Variants in CWC22 observed in about 807,000 individuals in gnomAD.
CWC22 encodes the protein CWC22 spliceosome associated protein.
In CWC22, 53 loss-of-function variants were observed where a neutral mutation model predicts 117.2. The observed-to-expected ratio is 0.45, with a 90% CI of 0.36 to 0.57. The LOEUF is 0.57. CWC22 is among the 20% of genes least tolerant of loss of function. The pLI, the probability that CWC22 is intolerant of heterozygous loss-of-function variation, is 0.00. For synonymous variants in CWC22, 360 were observed against 355.6 expected, an observed-to-expected ratio of 1.01 and a Z score of -0.14; for missense variants, 980 against 1,068.8, an observed-to-expected ratio of 0.92 and a Z score of 1.16.
At chr2:179,974,356 A>G (rs1217001100) in intron 6 of CWC22, among the ~76,000 whole-genome samples, 2 of 152,226 alleles carry the variant, frequency 1.3e-5, no homozygotes, top group African/African-American at 4.8e-5. Flanking sequence ...ATTAATGCTA[A>G]AACAGTAACA....
At position 179,981,862 on chromosome 2, in the gene CWC22, A is replaced by G; in HGVS notation, c.342T>C (p.Ala114=). 1.9e-6 allele frequency: 3 copies of G among 1,613,432 alleles called. No individual in the cohort carries two copies. Among genetic ancestry groups the G allele is most frequent in the Non-Finnish European group, 2.5e-6 (3 of 1,179,654 alleles). ...CCAGCTCATCTTTCTTTTTCTTTGT[A>G]GCAGGTTCATCCTGAGCAGAGGAAC... The part of the protein sequence containing the change: ...TQSSSAQDEP[A]TKKKKDELDP... The change falls in exon 5 of 20, where the codon GCT becomes GCC. Residue 114 remains alanine, a synonymous_variant. Transcript: ENST00000410053.
At chr2:179,975,832 A>G (rs1687139946) in intron 6 of CWC22, among the ~76,000 whole-genome samples, 1 of 152,220 alleles carries the variant, frequency 6.6e-6, no homozygotes, top group Non-Finnish European at 1.5e-5. Context: ...CACAGTACCC[A>G]AAGCAACATA....
Position 179,973,780 on chromosome 2 carries a change from A to G in CWC22, c.604T>C (p.Leu202=). 2 of 1,604,300 alleles carry G rather than the reference A, an allele frequency of 1.2e-6. No individual in the cohort carries two copies. Among genetic ancestry groups the G allele is most frequent in the Non-Finnish European group, 1.7e-6 (2 of 1,175,260 alleles). ...RGRGLLSRSV[L]QAQSASPIFT... ...ATTGGAGAAGCACTCTGTGCTTGCA[A>G]AACAGACCTGGACAGCAGTCCTCTG... Residue 202 remains leucine, a synonymous_variant, in exon 7 of 20, where the codon TTG becomes CTG. Transcript: ENST00000410053.
chr2:179,981,634 A>G (rs1687290337), intron 5 of CWC22, 118 bp downstream of exon 5: 5 of 747,818 alleles, frequency 6.7e-6, no homozygotes, highest in Non-Finnish European at 1.1e-5. Flanking sequence ...CTCTAATTTG[A>G]GGTCTCTATC....
At chr2:179,950,455 T>G in intron 19 of CWC22, 57 bp downstream of exon 19, 2 of 1,037,524 alleles carry the variant, frequency 1.9e-6, no homozygotes, top group South Asian at 2.9e-5. Context: ...CCTTCATATA[T>G]ATCAGCAACA....
At chr2:179,958,994 T>C in intron 14 of CWC22, 28 bp downstream of exon 14, 1 of 1,426,126 alleles carries the variant, frequency 7.0e-7, no homozygotes, top group Non-Finnish European at 9.7e-7. Flanking sequence ...AATATATACA[T>C]TTCCTAATAG....
chr2:179,961,055 T>C (rs2105517327), intron 13 of CWC22, among the ~76,000 whole-genome samples: 1 of 152,120 alleles, frequency 6.6e-6, no homozygotes, highest in Middle Eastern at 3.4e-3. Context: ...ACAAGTTAGC[T>C]TGGTTCATCC....
In CWC22 at chr2:179,970,696, A is replaced by T. The variant is rs991405389; in HGVS notation, c.1101T>A (p.Thr367=). The T allele has an allele frequency of 1.2e-6, 2 of 1,613,726 alleles. No individual in the cohort carries two copies. The highest frequency in any genetic ancestry group is 1.7e-5 in the Admixed American group (1 of 60,004). Residue 367 remains threonine (T), a synonymous_variant, in exon 10 of 20, where the codon ACT becomes ACA. Transcript: ENST00000410053. ...AGTCATCCTCCAGAGGGAGCATATG[A>T]GTGAATTGATCATCTTCTTCCACCA... The part of the protein sequence containing the change: ...LDLVEEDDQF[T]HMLPLEDDYN...
intron 1 of CWC22, among the ~76,000 whole-genome samples, chr2:180,004,252 T>C (rs1322943197): frequency 1.3e-5 from 2 of 152,248 alleles, no homozygotes; most frequent in African/African-American, 4.8e-5. Context: ...ATTGAAAATA[T>C]TATTCAAGTT....
chr2:179,987,951 G>A (rs903761392), intron 3 of CWC22, among the ~76,000 whole-genome samples: 3 of 152,174 alleles, frequency 2.0e-5, no homozygotes, highest in East Asian at 1.9e-4. Context: ...GTTAGGGGGT[G>A]AGGGGATGGT....
intron 2 of CWC22, among the ~76,000 whole-genome samples, chr2:179,990,542 C>T (rs71425652): frequency 0.16 from 10,556 of 64,712 alleles, 517 homozygotes; most frequent in Non-Finnish European, 0.2. Flanking sequence ...GTGAGTGAGA[C>T]AGACAGAGAG....
intron 14 of CWC22, among the ~76,000 whole-genome samples, chr2:179,958,746 T>C (rs1686671052): frequency 6.6e-6 from 1 of 152,182 alleles, no homozygotes; most frequent in Non-Finnish European, 1.5e-5. Context: ...ATTTGATTTA[T>C]AGGCAACAAC....
At position 179,970,711 on chromosome 2, in the gene CWC22, T is replaced by A; in HGVS notation, c.1086A>T (p.Glu362Asp). ...GGAGCATATGAGTGAATTGATCATCTTCTTCCACCAAATCAAGACCTTCTA... is the reference window on the plus strand; with the variant it reads ...GGAGCATATGAGTGAATTGATCATCATCTTCCACCAAATCAAGACCTTCTA... ...IILEGLDLVE[E>D]DDQFTHMLPL... Residue 362 changes from glutamate to aspartate, a missense_variant, in exon 10 of 20, where the codon GAA becomes GAT. Physicochemically the swap from Glu to Asp is conservative, Grantham distance 45. Around this residue, in one of 3 missense-constraint regions of CWC22, gnomAD observed 559 missense variants for 602.3 expected, o/e 0.93. Coordinates refer to ENST00000410053, the MANE Select transcript of CWC22 (RefSeq NM_020943.3). 2 of 1,613,764 alleles carry A rather than the reference T, an allele frequency of 1.2e-6. No homozygotes were observed. The highest frequency in any genetic ancestry group is 2.2e-5 in the East Asian group (1 of 44,846).
intron 1 of CWC22, among the ~76,000 whole-genome samples, chr2:180,005,186 G>C (rs1687941253): frequency 6.6e-6 from 1 of 152,208 alleles, no homozygotes; most frequent in Admixed American, 6.5e-5. Flanking sequence ...CAGTGTATTA[G>C]ATCAAAGTTC....
In CWC22 at chr2:179,973,265, A is replaced by C; in HGVS notation, c.751-19T>G. On this transcript the variant is annotated intron_variant, in intron 7 of 19. Coordinates refer to ENST00000410053, the MANE Select transcript of CWC22 (RefSeq NM_020943.3). The stretch of plus-strand genomic sequence containing the variant: ...AAAGTTGCTGAAAAATAAAGGTGGA[A>C]AGTTAACCTATAAACTAAACCCAAT... 6.3e-7 allele frequency: 1 copy of C among 1,579,948 alleles called. No individual in the cohort carries two copies. The highest frequency in any genetic ancestry group is 1.3e-5 in the African/African-American group (1 of 74,354).
At chr2:179,960,432 C>G (rs770504996) in intron 13 of CWC22, among the ~76,000 whole-genome samples, 1 of 151,390 alleles carries the variant, frequency 6.6e-6, no homozygotes, top group Admixed American at 6.6e-5. Flanking sequence ...ACAATGAGGA[C>G]AAAGAAATAA....
intron 8 of CWC22, among the ~76,000 whole-genome samples, chr2:179,971,727 G>A (rs1274663035): frequency 6.6e-6 from 1 of 152,126 alleles, no homozygotes; most frequent in Non-Finnish European, 1.5e-5. Flanking sequence ...CTATTGAGAA[G>A]TTTGCTAAGA....
At chr2:179,979,019 T>C (rs903649637) in intron 5 of CWC22, among the ~76,000 whole-genome samples, 1 of 152,186 alleles carries the variant, frequency 6.6e-6, no homozygotes, top group Non-Finnish European at 1.5e-5. Context: ...AATTGGACAA[T>C]GTCTAAGATC....
intron 4 of CWC22, among the ~76,000 whole-genome samples, chr2:179,982,790 G>A (rs945992313): frequency 1.3e-5 from 2 of 152,118 alleles, no homozygotes; most frequent in African/African-American, 4.8e-5. Flanking sequence ...ACGGGAAAGA[G>A]CGAATTCTTG....
Sources: gnomAD v4.1 joint callset for allele counts (sites outside exome capture counted in the v4.1 genomes callset) on GRCh38, gnomAD v4.1.1 for gene constraint, gnomAD v4.1.1 regional missense constraint, MANE v1.5 for transcripts, NCBI Gene and HGNC (gene_info 2026-07-23, HGNC 2026-07-21) for gene names.